The following NDST3 variants were observed in gnomAD, a reference collection of about 807,000 sequenced individuals.
The protein encoded by NDST3 is N-deacetylase and N-sulfotransferase 3, also known as bifunctional heparan sulfate N-deacetylase/N-sulfotransferase 3.
A neutral mutation model predicts 96.1 loss-of-function variants in NDST3; 58 were observed. That is an observed-to-expected ratio of 0.60 (90% CI 0.49 to 0.75). The LOEUF is 0.75. Among genes scored for constraint, NDST3 ranks in the 30% least tolerant of loss-of-function variants. The pLI is 0.00. For synonymous variants in NDST3, 333 were observed against 359.7 expected (o/e 0.93, Z 0.84); for missense variants, 788 against 1,034.2 (o/e 0.76, Z 3.27).
intron 2 of NDST3, among the ~76,000 whole-genome samples, chr4:118,080,557 A>G (rs761119282): frequency 6.6e-6 from 1 of 152,164 alleles, no homozygotes; most frequent in South Asian, 2.1e-4. Context: ...CTATTCCTAA[A>G]TTAATTCACG....
intron 6 of NDST3, among the ~76,000 whole-genome samples, chr4:118,204,131 G>T (rs1230761105): frequency 2.0e-5 from 3 of 152,038 alleles, no homozygotes; most frequent in Non-Finnish European, 4.4e-5. Flanking sequence ...ACAAATATGT[G>T]GAGCTTTGAA....
At chr4:118,103,455 TATATATATATTTA>T (rs1244401313) in intron 2 of NDST3, among the ~76,000 whole-genome samples, 2 of 151,916 alleles carry the variant, frequency 1.3e-5, no homozygotes, top group African/African-American at 4.8e-5. Context: ...GTCAGCATTA[TATATATATATTTA>T]TACACAAAAT....
At chr4:118,178,853 G>C (rs757988709) in intron 6 of NDST3, among the ~76,000 whole-genome samples, 4 of 151,918 alleles carry the variant, frequency 2.6e-5, no homozygotes, top group South Asian at 4.1e-4. Flanking sequence ...ATTATTTCCT[G>C]TTGCTTTGAT....
rs74404547 is a variant in NDST3, at chr4:118,143,057, T to G, written c.1411-499T>G. Among the ~76,000 whole-genome samples, 28 of 152,286 alleles carry G rather than the reference T, an allele frequency of 1.8e-4. No individual in the cohort carries two copies. The Middle Eastern group carries it at 0.014, about 74-fold the overall frequency. On this transcript the variant is annotated intron_variant, in intron 5 of 13. Transcript: ENST00000296499. ...GAGAACAGATACTGTGATTTGTGTCTCAAATATTCATTCTAATTTAAAATG... is the reference window on the plus strand; with the variant it reads ...GAGAACAGATACTGTGATTTGTGTCGCAAATATTCATTCTAATTTAAAATG...
chr4:118,152,417 A>T (rs7654652), intron 6 of NDST3, among the ~76,000 whole-genome samples: 11,154 of 152,200 alleles, frequency 0.073, 903 homozygotes, highest in African/African-American at 0.2. Flanking sequence ...GTGTTCTGAG[A>T]CCAAGGTAGC....
At chr4:118,049,928 T>G (rs933392921) in intron 1 of NDST3, among the ~76,000 whole-genome samples, 1 of 151,586 alleles carries the variant, frequency 6.6e-6, no homozygotes, top group Non-Finnish European at 1.5e-5. Flanking sequence ...AGAGACACAA[T>G]GAAGAAAAAA....
chr4:118,160,329 AAGG>A (rs1294480079), intron 6 of NDST3, among the ~76,000 whole-genome samples: 1 of 152,176 alleles, frequency 6.6e-6, no homozygotes, highest in Non-Finnish European at 1.5e-5. Flanking sequence ...TTCAATAATG[AAGG>A]AGGAGCTTCT....
chr4:118,072,430 T>TTGTACAAGG, intron 2 of NDST3, among the ~76,000 whole-genome samples: 1 of 152,058 alleles, frequency 6.6e-6, no homozygotes, highest in East Asian at 1.9e-4. Context: ...ACTCTCCTTG[T>TTGTACAAGG]AGAAATCTTT....
chr4:118,055,394 A>C, intron 2 of NDST3: 1 of 181,228 alleles, frequency 5.5e-6, no homozygotes, highest in East Asian at 1.6e-4. Flanking sequence ...CAGTACTACT[A>C]AATATGAAGA....
At position 118,253,567 on chromosome 4, in the gene NDST3, G is replaced by A; in HGVS notation, c.2468G>A (p.Ser823Asn). ...GGTAAAACAAAATGCCTTGGAAAGAGCAAAGGAAGAAAATACCCTCCAATG... is the reference window on the plus strand; with the variant it reads ...GGTAAAACAAAATGCCTTGGAAAGAACAAAGGAAGAAAATACCCTCCAATG... ...EEGKTKCLGKSKGRKYPPMDS... is the reference protein window; with the variant it reads ...EEGKTKCLGKNKGRKYPPMDS... Residue 823 changes from serine (S) to asparagine (N), a missense_variant, in exon 13 of 14, where the codon AGC becomes AAC. Ser to Asn is a conservative substitution (Grantham distance 46). This residue lies in a region of NDST3 where 64 missense variants were observed against 68.5 expected (regional missense o/e 0.93). Coordinates refer to ENST00000296499, the MANE Select transcript of NDST3 (RefSeq NM_004784.3). 1.2e-6 allele frequency: 2 copies of A among 1,612,306 alleles called. No individual in the cohort carries two copies. Among genetic ancestry groups the A allele is most frequent in the Non-Finnish European group, 1.7e-6 (2 of 1,178,966 alleles).
At chr4:118,167,137 C>A (rs948000944) in intron 6 of NDST3, among the ~76,000 whole-genome samples, 3 of 151,286 alleles carry the variant, frequency 2.0e-5, no homozygotes, top group Admixed American at 6.6e-5. Context: ...ATTTAGAAAA[C>A]CCTAAAGATT....
intron 2 of NDST3, among the ~76,000 whole-genome samples, chr4:118,066,232 AT>A (rs1726381900): frequency 3.1e-5 from 2 of 64,268 alleles, no homozygotes; most frequent in Non-Finnish European, 5.4e-5. Flanking sequence ...TATTATATAT[AT>A]TATATATTAT....
intron 2 of NDST3, among the ~76,000 whole-genome samples, chr4:118,097,977 A>G (rs919716720): frequency 3.3e-5 from 5 of 151,924 alleles, no homozygotes; most frequent in East Asian, 1.9e-4. Flanking sequence ...TTAATCTCAC[A>G]TTTTGTTTTT....
chr4:118,200,237 T>C (rs560987273), intron 6 of NDST3, among the ~76,000 whole-genome samples: 1 of 152,220 alleles, frequency 6.6e-6, no homozygotes, highest in Non-Finnish European at 1.5e-5. Context: ...TCTATTGTAC[T>C]GTGGCTAAGC....
rs370205757 is a variant in NDST3, at chr4:118,182,520, T to TG, written c.1539+38837dup. Among the ~76,000 whole-genome samples, 239 of 152,210 alleles carry TG rather than the reference T, an allele frequency of 1.6e-3. 1 individual carries two copies. Among genetic ancestry groups the TG allele is most frequent in the African/African-American group, 5.4e-3 (223 of 41,526 alleles). On this transcript the variant is annotated intron_variant, in intron 6 of 13. Transcript: ENST00000296499. The stretch of plus-strand genomic sequence containing the variant: ...ACAGTAATCTGTGACAACAGGCAAA[T>TG]GATACTGGGATGGGAGTTTCCCTTT...
intron 2 of NDST3, among the ~76,000 whole-genome samples, chr4:118,089,773 T>A (rs1728720094): frequency 6.6e-6 from 1 of 151,964 alleles, no homozygotes; most frequent in Non-Finnish European, 1.5e-5. Context: ...AAAGGTGACA[T>A]ATTTAGAGTG....
intron 3 of NDST3, among the ~76,000 whole-genome samples, chr4:118,105,737 G>C (rs1730126306): frequency 6.6e-6 from 1 of 152,096 alleles, no homozygotes; most frequent in African/African-American, 2.4e-5. Context: ...CAGACTTTGA[G>C]TTTTTCTGAA....
rs142448975 is a variant in NDST3, at chr4:118,198,249, T to C, written c.1540-26242T>C. Reference sequence around the variant, plus strand: ...GTCTTCTCTTCCTTCTTTCTTTCCTTCATGTCTTTCTTTTTGCGAAGGTAA... The same window carrying C: ...GTCTTCTCTTCCTTCTTTCTTTCCTCCATGTCTTTCTTTTTGCGAAGGTAA... On this transcript the variant is annotated intron_variant, in intron 6 of 13. Coordinates refer to ENST00000296499, the MANE Select transcript of NDST3 (RefSeq NM_004784.3). Among the ~76,000 whole-genome samples the C allele has an allele frequency of 9.5e-3, 1,449 of 152,310 alleles. 27 individuals are homozygous for C. Among genetic ancestry groups the C allele is most frequent in the African/African-American group, 0.033 (1,376 of 41,572 alleles).
chr4:118,178,546 T>C (rs767853232), intron 6 of NDST3, among the ~76,000 whole-genome samples: 2 of 152,080 alleles, frequency 1.3e-5, no homozygotes, highest in Admixed American at 6.6e-5. Context: ...TATTCCATTG[T>C]ATGTATATAT....
Sources: allele counts gnomAD v4.1 joint callset (sites outside exome capture counted in the v4.1 genomes callset), GRCh38; gene constraint gnomAD v4.1.1; regional missense constraint gnomAD v4.1.1; transcripts MANE v1.5; gene names NCBI Gene and HGNC (gene_info 2026-07-23, HGNC 2026-07-21).